Variants in ULK4 observed in about 807,000 individuals in gnomAD.
ULK4 encodes inactive serine/threonine-protein kinase ULK4.
A neutral mutation model predicts 160.6 loss-of-function variants in ULK4; 133 were observed. The observed-to-expected ratio is 0.83, with a 90% CI of 0.72 to 0.96. ULK4 has a LOEUF of 0.96. ULK4 is among the 40% of genes least tolerant of loss of function. ULK4 has a pLI of 0.00. For synonymous variants in ULK4, 534 were observed against 539.8 expected (o/e 0.99, Z 0.15); for missense variants, 1,580 against 1,499.5 (o/e 1.05, Z -0.89).
rs2125739591 is a variant in ULK4, at chr3:41,651,087, TC to T, written c.3071+12519del. Reference sequence around the variant, plus strand: ...CTCAATCCACTGCACCAGGCTTTTGTCCCACACAGCACTGAAAATTATCCTT... The same window carrying T: ...CTCAATCCACTGCACCAGGCTTTTGTCCACACAGCACTGAAAATTATCCTT... On this transcript the variant is annotated intron_variant, in intron 30 of 36. Transcript: ENST00000301831. 1.3e-5 allele frequency among the ~76,000 whole-genome samples: 2 copies of T among 152,250 alleles called. 1 individual carries two copies. The highest frequency in any genetic ancestry group is 4.1e-4 in the South Asian group (2 of 4,824).
intron 32 of ULK4, among the ~76,000 whole-genome samples, chr3:41,519,522 T>G (rs887345212): frequency 2.6e-5 from 4 of 152,204 alleles, no homozygotes; most frequent in African/African-American, 9.7e-5. Context: ...TGTTCCTCAG[T>G]TGGGACACCA....
intron 35 of ULK4, among the ~76,000 whole-genome samples, chr3:41,264,975 G>A (rs2079004825): frequency 6.6e-6 from 1 of 152,136 alleles, no homozygotes; most frequent in Non-Finnish European, 1.5e-5. Flanking sequence ...ACAGGGCTGG[G>A]GCCTAAGACC....
At chr3:41,300,855 A>C in intron 35 of ULK4, among the ~76,000 whole-genome samples, 1 of 95,748 alleles carries the variant, frequency 1.0e-5, no homozygotes, top group South Asian at 3.2e-4. Context: ...ATATATATAT[A>C]TATATATATA....
intron 18 of ULK4, among the ~76,000 whole-genome samples, chr3:41,829,455 A>C (rs898554273): frequency 2.0e-5 from 3 of 151,076 alleles, no homozygotes; most frequent in African/African-American, 7.4e-5. Context: ...AGAAAAAAAA[A>C]CAAACAACCC....
chr3:41,652,098 A>G (rs1421430664), intron 30 of ULK4, among the ~76,000 whole-genome samples: 1 of 152,246 alleles, frequency 6.6e-6, no homozygotes, highest in Non-Finnish European at 1.5e-5. Flanking sequence ...AGTGGACCCA[A>G]CTGAGCCTCA....
At chr3:41,264,874 G>A (rs1454414102) in intron 35 of ULK4, among the ~76,000 whole-genome samples, 1 of 152,170 alleles carries the variant, frequency 6.6e-6, no homozygotes, top group Non-Finnish European at 1.5e-5. Context: ...ATGGCCAGCT[G>A]TAATTTCTGC....
intron 31 of ULK4, among the ~76,000 whole-genome samples, chr3:41,594,673 T>C (rs746929266): frequency 1.3e-5 from 2 of 152,220 alleles, no homozygotes; most frequent in Non-Finnish European, 1.5e-5. Context: ...GTTAGAGATT[T>C]GGATTTTCAA....
At chr3:41,386,381 G>C (rs2081809605) in intron 35 of ULK4, among the ~76,000 whole-genome samples, 1 of 152,060 alleles carries the variant, frequency 6.6e-6, no homozygotes, top group African/African-American at 2.4e-5. Context: ...CATATTAAAT[G>C]GGTTTTTCTC....
At chr3:41,462,995 GAC>G in intron 33 of ULK4, 90 bp downstream of exon 33, 1 of 1,419,732 alleles carries the variant, frequency 7.0e-7, no homozygotes, top group Non-Finnish European at 9.6e-7. Flanking sequence ...AATAAGTAAA[GAC>G]ACAATAGAGG....
At position 41,961,550 on chromosome 3, in the gene ULK4, ACCC is replaced by A. The variant is rs201424516; in HGVS notation, c.-49+463_-49+465del. Among the ~76,000 whole-genome samples the A allele has an allele frequency of 3.2e-3, 396 of 124,688 alleles. 9 individuals carry two copies. Among genetic ancestry groups the A allele is most frequent in the African/African-American group, 0.016 (376 of 23,462 alleles). 81.8% of individuals were successfully genotyped at this position (124,688 alleles called of 152,430 possible). ...ACTCAGGGGCGCTACGTAGTCACTC[ACCC>A]CCCCCCCCCCCCCCCCCGCTCCCCA... is the stretch of plus-strand genomic sequence containing the variant. On this transcript the variant is annotated intron_variant, in intron 1 of 36. Coordinates refer to ENST00000301831, the MANE Select transcript of ULK4 (RefSeq NM_017886.4).
At chr3:41,807,357 A>C (rs1040148933) in intron 19 of ULK4, among the ~76,000 whole-genome samples, 3 of 152,180 alleles carry the variant, frequency 2.0e-5, no homozygotes, top group African/African-American at 7.2e-5. Flanking sequence ...ATTCAACTTT[A>C]GAAATTTTTA....
chr3:41,575,368 C>T (rs574611843), intron 31 of ULK4, among the ~76,000 whole-genome samples: 8 of 152,218 alleles, frequency 5.3e-5, no homozygotes, highest in African/African-American at 1.2e-4. Flanking sequence ...CCTCTGCCAA[C>T]GTGGTCGGGG....
chr3:41,883,961 G>A lies in ULK4; in HGVS notation c.1578-9C>T. 1.3e-6 allele frequency: 2 copies of A among 1,596,768 alleles called. No homozygotes were observed. The highest frequency in any genetic ancestry group is 1.1e-5 in the South Asian group (1 of 90,702). ...GAGCAACCTTGGCCCGTCTGTAAAT[G>A]GAGAGAAAACAGGCTCTGAAAAGAA... On this transcript the variant is annotated splice_polypyrimidine_tract_variant and intron_variant, in intron 16 of 36. Transcript: ENST00000301831.
At chr3:41,480,544 C>G (rs937634174) in intron 32 of ULK4, among the ~76,000 whole-genome samples, 1 of 152,116 alleles carries the variant, frequency 6.6e-6, no homozygotes, top group Non-Finnish European at 1.5e-5. Context: ...AAGACCTTTA[C>G]GGTGATCCAC....
At chr3:41,325,906 G>A (rs146373548) in intron 35 of ULK4, among the ~76,000 whole-genome samples, 1,524 of 151,896 alleles carry the variant, frequency 0.01, 19 homozygotes, top group African/African-American at 0.035. Flanking sequence ...GTGACACAGC[G>A]AGACTCCATC....
At chr3:41,797,334 T>G (rs1175937678) in intron 20 of ULK4, among the ~76,000 whole-genome samples, 1 of 152,108 alleles carries the variant, frequency 6.6e-6, no homozygotes, top group East Asian at 1.9e-4. Flanking sequence ...ACCTCCGATG[T>G]AAAAAGAATG....
At chr3:41,624,967 TA>T (rs928211682) in intron 30 of ULK4, among the ~76,000 whole-genome samples, 10 of 152,148 alleles carry the variant, frequency 6.6e-5, no homozygotes, top group African/African-American at 1.7e-4. Flanking sequence ...AAATCTCTGT[TA>T]AAAAAAATTT....
intron 32 of ULK4, among the ~76,000 whole-genome samples, chr3:41,498,864 G>A (rs56382456): frequency 0.18 from 27,882 of 152,000 alleles, 3,188 homozygotes; most frequent in South Asian, 0.3. Flanking sequence ...CAAAGTGCTG[G>A]GATTACAGGC....
intron 18 of ULK4, among the ~76,000 whole-genome samples, chr3:41,822,871 A>G (rs950513001): frequency 6.7e-5 from 10 of 148,478 alleles, no homozygotes; most frequent in African/African-American, 1.2e-4. Context: ...ACAGGCGCCC[A>G]CCACCACACC....
Sources: gnomAD v4.1 joint callset for allele counts (sites outside exome capture counted in the v4.1 genomes callset) on GRCh38, gnomAD v4.1.1 for gene constraint, MANE v1.5 for transcripts, NCBI Gene and HGNC (gene_info 2026-07-23, HGNC 2026-07-21) for gene names.